CTNNA3: variants seen among roughly 807,000 people sequenced by gnomAD.
The protein encoded by CTNNA3 is catenin alpha 3, also known as catenin alpha-3.
CTNNA3 carries 76 observed loss-of-function variants against 95.7 expected under a neutral mutation model. The observed-to-expected ratio is 0.79, with a 90% CI of 0.66 to 0.96. CTNNA3 has a LOEUF of 0.96. CTNNA3 is among the 40% of genes least tolerant of loss of function. The probability of loss-of-function intolerance (pLI) is 0.00; values close to 1 mark genes in which losing one functional copy is unlikely to be tolerated. For synonymous variants in CTNNA3, 431 were observed against 374.4 expected (o/e 1.15, Z -1.74); for missense variants, 1,191 against 1,089.8 (o/e 1.09, Z -1.31).
intron 10 of CTNNA3, among the ~76,000 whole-genome samples, chr10:66,522,566 T>C (rs1440533796): frequency 6.6e-6 from 1 of 151,982 alleles, no homozygotes; most frequent in East Asian, 1.9e-4. Flanking sequence ...AAGAAGGACA[T>C]GTTTGCATCC....
At chr10:66,478,426 T>C (rs1839401522) in intron 11 of CTNNA3, among the ~76,000 whole-genome samples, 1 of 152,048 alleles carries the variant, frequency 6.6e-6, no homozygotes, top group African/African-American at 2.4e-5. Flanking sequence ...ATAATTTTTA[T>C]TGAAAATTTT....
At chr10:65,942,933 AATT>A in intron 17 of CTNNA3, among the ~76,000 whole-genome samples, 1 of 152,242 alleles carries the variant, frequency 6.6e-6, no homozygotes. Context: ...AGATTGCTAC[AATT>A]ATTATAAAGA....
chr10:67,483,782 A>AC (rs1462749768), intron 5 of CTNNA3, among the ~76,000 whole-genome samples: 1 of 149,306 alleles, frequency 6.7e-6, no homozygotes, highest in Non-Finnish European at 1.5e-5. Context: ...AAATTAAAAA[A>AC]AAAAACAAAA....
intron 2 of CTNNA3, among the ~76,000 whole-genome samples, chr10:67,608,431 C>T (rs529697257): frequency 4.9e-4 from 74 of 152,138 alleles, no homozygotes; most frequent in Middle Eastern, 6.8e-3. Flanking sequence ...TATCAAAGTT[C>T]TGTATTTTTT....
intron 5 of CTNNA3, among the ~76,000 whole-genome samples, chr10:67,405,181 G>GATC (rs1845089240): frequency 6.6e-6 from 1 of 152,150 alleles, no homozygotes; most frequent in Non-Finnish European, 1.5e-5. Context: ...CTAGCATCAT[G>GATC]ATCACAGGAT....
chr10:66,377,734 ACT>A (rs145970819), intron 12 of CTNNA3, among the ~76,000 whole-genome samples: 9,194 of 151,986 alleles, frequency 0.06, 388 homozygotes, highest in East Asian at 0.099. Context: ...GACACAGAAA[ACT>A]CTGTATGTGG....
chr10:67,727,594 A>T (rs1259090172), intron 1 of CTNNA3, among the ~76,000 whole-genome samples: 1 of 128,810 alleles, frequency 7.8e-6, no homozygotes. Flanking sequence ...GATATATATC[A>T]TATATCATAT....
rs1170871080 is a variant in CTNNA3 at position 66,814,910 on chromosome 10, G to C, written c.1048-39386C>G. The stretch of plus-strand genomic sequence containing the variant: ...TCTGTCACCCAGGCTGGAGTGCAGT[G>C]GCACAATCTTGGCTCACTGCAACCT... On this transcript the variant is annotated intron_variant, in intron 7 of 17. Coordinates refer to ENST00000433211, the MANE Select transcript of CTNNA3 (RefSeq NM_013266.4). Among the ~76,000 whole-genome samples the C allele has an allele frequency of 4.2e-5, 6 of 143,934 alleles. No individual in the cohort carries two copies. The Admixed American group carries it at 4.2e-4, about 10-fold the overall frequency. 94.4% of individuals were successfully genotyped at this position (143,934 alleles called of 152,430 possible). A position where few individuals can be genotyped will look rare whatever the true frequency, so the allele number is the denominator to read the frequency against.
chr10:66,897,344 A>C (rs1174971117), intron 7 of CTNNA3, among the ~76,000 whole-genome samples: 1 of 152,146 alleles, frequency 6.6e-6, no homozygotes, highest in African/African-American at 2.4e-5. Flanking sequence ...GACAAAGTAA[A>C]GCAAACAAGA....
In CTNNA3 at chr10:67,661,285, A is replaced by AGGAG. The variant is rs140754992; in HGVS notation, c.-5-13771_-5-13768dup. The stretch of plus-strand genomic sequence containing the variant: ...AGAAAAGGAAGGAAGAAAGAGAAAA[A>AGGAG]GGAGGGAGGGAGGGAGGGAAGAAAG... On this transcript the variant is annotated intron_variant, in intron 1 of 17. Coordinates refer to ENST00000433211, the MANE Select transcript of CTNNA3 (RefSeq NM_013266.4). 1.3e-4 allele frequency among the ~76,000 whole-genome samples: 18 copies of AGGAG among 141,916 alleles called. No individual in the cohort carries two copies. In the East Asian group the frequency reaches 4.2e-3, roughly 33 times the overall value. 93.1% of individuals were successfully genotyped at this position (141,916 alleles called of 152,430 possible).
intron 13 of CTNNA3, among the ~76,000 whole-genome samples, chr10:66,178,828 A>G (rs1386178043): frequency 1.3e-5 from 2 of 151,942 alleles, no homozygotes; most frequent in Non-Finnish European, 2.9e-5. Flanking sequence ...AGCCATTAGG[A>G]AGTTATAAAT....
Position 66,280,815 on chromosome 10 carries a change from G to A in CTNNA3, c.1733-194C>T, listed in dbSNP as rs554916620. ...TCTCTGAAAAGTAAAACGAATCAAAGACAATTAAAGGCATTTTTTTTTTCT... is the reference window on the plus strand; with the variant it reads ...TCTCTGAAAAGTAAAACGAATCAAAAACAATTAAAGGCATTTTTTTTTTCT... On this transcript the variant is annotated intron_variant, in intron 12 of 17. Coordinates refer to ENST00000433211, the MANE Select transcript of CTNNA3 (RefSeq NM_013266.4). Among the ~76,000 whole-genome samples, 4 of 146,342 alleles carry A rather than the reference G, an allele frequency of 2.7e-5. No homozygotes were observed. The South Asian group carries it at 8.5e-4, about 31-fold the overall frequency.
chr10:66,005,836 A>G (rs1480953358), intron 15 of CTNNA3, among the ~76,000 whole-genome samples: 1 of 152,014 alleles, frequency 6.6e-6, no homozygotes, highest in Non-Finnish European at 1.5e-5. Context: ...ACATGTTTTC[A>G]TAAGACATTC....
At chr10:66,284,973 T>C (rs1351090128) in intron 12 of CTNNA3, among the ~76,000 whole-genome samples, 1 of 151,904 alleles carries the variant, frequency 6.6e-6, no homozygotes, top group Non-Finnish European at 1.5e-5. Context: ...GTGGTTCATA[T>C]ATATTTAATA....
intron 7 of CTNNA3, among the ~76,000 whole-genome samples, chr10:66,999,094 T>C (rs1046140491): frequency 6.6e-6 from 1 of 152,108 alleles, no homozygotes; most frequent in African/African-American, 2.4e-5. Flanking sequence ...TGGAACACTA[T>C]AGAAACACAG....
At chr10:67,457,888 A>T (rs1489456214) in intron 5 of CTNNA3, among the ~76,000 whole-genome samples, 1 of 152,118 alleles carries the variant, frequency 6.6e-6, no homozygotes, top group Non-Finnish European at 1.5e-5. Context: ...GTAATCCAGG[A>T]TCATCTCCAT....
intron 13 of CTNNA3, among the ~76,000 whole-genome samples, chr10:66,264,307 C>T: frequency 6.6e-6 from 1 of 151,868 alleles, no homozygotes. Flanking sequence ...ATTTGTTTCC[C>T]AATTTCCTTC....
At chr10:66,984,380 TA>T (rs1296918372) in intron 7 of CTNNA3, among the ~76,000 whole-genome samples, 1 of 152,094 alleles carries the variant, frequency 6.6e-6, no homozygotes, top group East Asian at 1.9e-4. Flanking sequence ...GAAGGAAGGT[TA>T]AAAGTCTAAG....
At chr10:67,677,664 C>A (rs755021321) in intron 1 of CTNNA3, among the ~76,000 whole-genome samples, 1 of 152,036 alleles carries the variant, frequency 6.6e-6, no homozygotes, top group Non-Finnish European at 1.5e-5. Context: ...CACCTCCTAG[C>A]AATACATTTC....
Sources: allele counts gnomAD v4.1 joint callset (sites outside exome capture counted in the v4.1 genomes callset), GRCh38; gene constraint gnomAD v4.1.1; transcripts MANE v1.5; gene names NCBI Gene and HGNC (gene_info 2026-07-23, HGNC 2026-07-21).